RABGAP1L: variants seen among roughly 807,000 people sequenced by gnomAD.
The protein encoded by RABGAP1L is rab GTPase-activating protein 1-like.
RABGAP1L carries 63 observed loss-of-function variants against 137.7 expected under a neutral mutation model. The observed-to-expected ratio is 0.46, with a 90% CI of 0.37 to 0.56. RABGAP1L has a LOEUF of 0.56. Ranked by LOEUF, RABGAP1L falls within the 20% of genes least tolerant of loss-of-function variation. The pLI, the probability that RABGAP1L is intolerant of heterozygous loss-of-function variation, is 0.00. For missense variants in RABGAP1L, 1,095 were observed against 1,244.0 expected (o/e 0.88, Z 1.80); for synonymous variants, 431 against 433.7 (o/e 0.99, Z 0.08).
chr1:174,288,181 G>A (rs1306140205), intron 10 of RABGAP1L, among the ~76,000 whole-genome samples: 1 of 152,070 alleles, frequency 6.6e-6, no homozygotes, highest in East Asian at 1.9e-4. Flanking sequence ...AATTATTTTA[G>A]CTATAATTAT....
chr1:174,624,597 T>G (rs1294441847), intron 13 of RABGAP1L, among the ~76,000 whole-genome samples: 5 of 152,190 alleles, frequency 3.3e-5, no homozygotes, highest in African/African-American at 9.7e-5. Flanking sequence ...TGATGTAAAT[T>G]ATACTTATAA....
In RABGAP1L at chr1:174,680,918, C is replaced by A. The variant is rs538171963; in HGVS notation, c.1825-2604C>A. On this transcript the variant is annotated intron_variant, in intron 14 of 25. Transcript: ENST00000681986. ...AAACAAAAAACAAAAATCAGCAACA[C>A]ATAATTGGGCAGGAACTTGAACAAT... 1.1e-4 allele frequency among the ~76,000 whole-genome samples: 16 copies of A among 152,074 alleles called. No homozygotes were observed. In the East Asian group the frequency reaches 2.9e-3, roughly 28 times the overall value.
intron 24 of RABGAP1L, among the ~76,000 whole-genome samples, chr1:174,984,221 T>A (rs935456878): frequency 6.6e-6 from 1 of 151,158 alleles, no homozygotes; most frequent in East Asian, 2.0e-4. Context: ...GTTGTTCCCC[T>A]CTTCTGTGTC....
In RABGAP1L at chr1:174,215,870, CT is replaced by C. The variant is rs1218723422; in HGVS notation, c.-33-3254del. On this transcript the variant is annotated intron_variant, in intron 1 of 25. Transcript: ENST00000681986. ...CTGCACTCCCTTGTTTATTGCAGCA[CT>C]ACTCACAGCAGCCAAGATTTGGAAG... Among the ~76,000 whole-genome samples, 12 of 151,480 alleles carry C rather than the reference CT, an allele frequency of 7.9e-5. No homozygotes were observed. The East Asian group carries it at 2.3e-3, about 29-fold the overall frequency.
chr1:174,542,487 T>C (rs1396989223), intron 13 of RABGAP1L, among the ~76,000 whole-genome samples: 1 of 152,136 alleles, frequency 6.6e-6, no homozygotes, highest in African/African-American at 2.4e-5. Flanking sequence ...TCTCTCTTTT[T>C]TTCTTTATTA....
At chr1:174,614,744 T>G (rs1671632246) in intron 13 of RABGAP1L, among the ~76,000 whole-genome samples, 1 of 152,232 alleles carries the variant, frequency 6.6e-6, no homozygotes, top group Non-Finnish European at 1.5e-5. Flanking sequence ...TCTTTTCACA[T>G]AGTCCCATAT....
intron 13 of RABGAP1L, among the ~76,000 whole-genome samples, chr1:174,565,209 A>T (rs970714765): frequency 2.6e-5 from 4 of 152,168 alleles, no homozygotes; most frequent in African/African-American, 9.7e-5. Flanking sequence ...GCATGAGAAC[A>T]TAAAAGAGCT....
At chr1:174,370,834 TCTTA>T (rs1685058490) in intron 11 of RABGAP1L, 141 bp from the exon 12 acceptor site, 1 of 396,304 alleles carries the variant, frequency 2.5e-6, no homozygotes, top group South Asian at 1.1e-4. Context: ...TTAATGAAAT[TCTTA>T]CTGTTATTTT....
chr1:174,543,333 C>G (rs953628399), intron 13 of RABGAP1L, among the ~76,000 whole-genome samples: 7 of 144,998 alleles, frequency 4.8e-5, no homozygotes, highest in Non-Finnish European at 1.0e-4. Context: ...GAATTGATCC[C>G]TTCACCATTA....
At chr1:174,968,214 A>G (rs1669812380) in intron 20 of RABGAP1L, among the ~76,000 whole-genome samples, 1 of 152,232 alleles carries the variant, frequency 6.6e-6, no homozygotes, top group Non-Finnish European at 1.5e-5. Flanking sequence ...TCCAAAACAT[A>G]TATTTGTCTT....
At chr1:174,861,459 T>C (rs2149023037) in intron 19 of RABGAP1L, among the ~76,000 whole-genome samples, 1 of 152,338 alleles carries the variant, frequency 6.6e-6, no homozygotes, top group African/African-American at 2.4e-5. Flanking sequence ...CTGATTTCAT[T>C]ACCTTTGGTT....
intron 1 of RABGAP1L, among the ~76,000 whole-genome samples, chr1:174,178,329 A>G (rs561208998): frequency 1.4e-4 from 21 of 152,228 alleles, no homozygotes; most frequent in South Asian, 4.1e-4. Context: ...GTATCCTGAG[A>G]CTTTGCCGAA....
At chr1:174,202,510 C>A (rs1418268926) in intron 1 of RABGAP1L, among the ~76,000 whole-genome samples, 1 of 151,922 alleles carries the variant, frequency 6.6e-6, no homozygotes, top group Non-Finnish European at 1.5e-5. Flanking sequence ...TTGTTTTTTT[C>A]TTGTAAATTT....
intron 19 of RABGAP1L, among the ~76,000 whole-genome samples, chr1:174,914,788 C>T (rs1351304713): frequency 6.6e-6 from 1 of 152,014 alleles, no homozygotes; most frequent in East Asian, 1.9e-4. Flanking sequence ...TTTTGAACAC[C>T]TCCCTAAAAT....
chr1:174,516,120 T>TATACACACACAC (rs763907969), intron 13 of RABGAP1L, among the ~76,000 whole-genome samples: 19 of 133,234 alleles, frequency 1.4e-4, no homozygotes, highest in African/African-American at 5.6e-4. Flanking sequence ...ACTGAAGCTC[T>TATACACACACAC]ACACACACAC....
rs528979337 is a variant in RABGAP1L at position 174,555,531 on chromosome 1, TCCCCC to T, written c.1711-81839_1711-81835del. Among the ~76,000 whole-genome samples the T allele has an allele frequency of 7.1e-3, 1,052 of 147,194 alleles. 16 individuals are homozygous for T. The highest frequency in any genetic ancestry group is 0.026 in the African/African-American group (1,011 of 38,408). On this transcript the variant is annotated intron_variant, in intron 13 of 25. Coordinates refer to ENST00000681986, the MANE Select transcript of RABGAP1L (RefSeq NM_001366446.1). ...TATTATGTAACAAGAAAAATGTATG[TCCCCC>T]CCCCAAAAAAAATGTATGTTCCCTT...
At chr1:174,723,701 CA>C (rs1681763055) in intron 17 of RABGAP1L, among the ~76,000 whole-genome samples, 1 of 152,128 alleles carries the variant, frequency 6.6e-6, no homozygotes, top group African/African-American at 2.4e-5. Context: ...GTTTGCTGCA[CA>C]ATAGAGCCAT....
chr1:174,295,257 A>G (rs1677019391), intron 10 of RABGAP1L, among the ~76,000 whole-genome samples: 1 of 148,258 alleles, frequency 6.7e-6, no homozygotes, highest in Admixed American at 6.7e-5. Context: ...ACTGTTGTAC[A>G]TGCTGGAGTG....
At chr1:174,965,307 C>T (rs961137847) in intron 20 of RABGAP1L, among the ~76,000 whole-genome samples, 1 of 152,204 alleles carries the variant, frequency 6.6e-6, no homozygotes, top group African/African-American at 2.4e-5. Context: ...TTTAGCACAT[C>T]TGCTTGTGCA....
Sources: allele counts gnomAD v4.1 joint callset (sites outside exome capture counted in the v4.1 genomes callset), GRCh38; gene constraint gnomAD v4.1.1; transcripts MANE v1.5; gene names NCBI Gene and HGNC (gene_info 2026-07-23, HGNC 2026-07-21).